MEIS2: variants seen among roughly 807,000 people sequenced by gnomAD.
The protein encoded by MEIS2 is Meis homeobox 2.
Under a neutral mutation model 58.6 loss-of-function variants are expected in MEIS2, and 9 were observed. The observed-to-expected ratio is 0.15, with a 90% confidence interval of 0.09 to 0.27. The LOEUF (loss-of-function observed/expected upper bound fraction) is 0.27, where lower values mean the gene tolerates loss of function less well. MEIS2 is among the 10% of genes least tolerant of loss of function. The probability of loss-of-function intolerance (pLI) is 1.00; values close to 1 mark genes in which losing one functional copy is unlikely to be tolerated. For synonymous variants in MEIS2, 221 were observed against 228.4 expected (o/e 0.97, Z 0.29); for missense variants, 427 against 635.0 (o/e 0.67, Z 3.52).
At chr15:37,059,629 T>G (rs1378285132) in intron 7 of MEIS2, among the ~76,000 whole-genome samples, 1 of 152,142 alleles carries the variant, frequency 6.6e-6, no homozygotes, top group Non-Finnish European at 1.5e-5. Flanking sequence ...CTTCTTTTTT[T>G]TTTTTAATTA....
At chr15:36,923,441 G>A (rs980491469) in intron 9 of MEIS2, among the ~76,000 whole-genome samples, 1 of 151,948 alleles carries the variant, frequency 6.6e-6, no homozygotes, top group Non-Finnish European at 1.5e-5. Context: ...CAACCAACTA[G>A]TCTATGGCCA....
chr15:37,040,545 AGGGCTTTTTTGCAGAGCTAAACCAAAG>A (rs2062380952), intron 7 of MEIS2, among the ~76,000 whole-genome samples: 2 of 152,204 alleles, frequency 1.3e-5, no homozygotes, highest in Admixed American at 1.3e-4. Context: ...GAGTACCCAC[AGGGCTTTTTTGCAGAGCTAAACCAAAG>A]GCCATTCCAT....
intron 8 of MEIS2, among the ~76,000 whole-genome samples, chr15:37,011,479 AGT>A (rs2061151920): frequency 6.6e-6 from 1 of 152,154 alleles, no homozygotes; most frequent in African/African-American, 2.4e-5. Context: ...GATTAATGAA[AGT>A]GTGTATTACT....
At chr15:36,925,183 A>C (rs1164183364) in intron 9 of MEIS2, among the ~76,000 whole-genome samples, 1 of 152,236 alleles carries the variant, frequency 6.6e-6, no homozygotes, top group Non-Finnish European at 1.5e-5. Context: ...AAAGAAAAGT[A>C]AAAAAGGAGA....
intron 8 of MEIS2, among the ~76,000 whole-genome samples, chr15:37,027,002 A>G (rs1464262465): frequency 3.3e-5 from 5 of 152,238 alleles, no homozygotes; most frequent in African/African-American, 1.2e-4. Flanking sequence ...TTATGTTTTA[A>G]GAGGATAATA....
At chr15:36,995,591 C>T (rs913854760) in intron 8 of MEIS2, among the ~76,000 whole-genome samples, 3 of 139,602 alleles carry the variant, frequency 2.1e-5, no homozygotes, top group East Asian at 2.2e-4. Context: ...AAAGCCATTA[C>T]GTTCTTTTCT....
At chr15:37,005,977 G>A (rs564723872) in intron 8 of MEIS2, among the ~76,000 whole-genome samples, 1 of 152,302 alleles carries the variant, frequency 6.6e-6, no homozygotes, top group African/African-American at 2.4e-5. Flanking sequence ...ATCTCTCAAT[G>A]AAATGGGGGG....
chr15:37,010,966 C>A (rs1459542973), intron 8 of MEIS2, among the ~76,000 whole-genome samples: 1 of 152,202 alleles, frequency 6.6e-6, no homozygotes, highest in African/African-American at 2.4e-5. Flanking sequence ...TTTTGCCCAT[C>A]TCTCTGTATT....
At chr15:37,004,695 C>T (rs2060853894) in intron 8 of MEIS2, among the ~76,000 whole-genome samples, 1 of 152,218 alleles carries the variant, frequency 6.6e-6, no homozygotes, top group South Asian at 2.1e-4. Flanking sequence ...AAGACCCAGA[C>T]TTGGTCAGAC....
rs115660101 is a variant in MEIS2, at chr15:36,942,454, C to T, written c.977+7870G>A. On this transcript the variant is annotated intron_variant, in intron 9 of 11. Coordinates refer to ENST00000561208, the MANE Select transcript of MEIS2 (RefSeq NM_170675.5). ...AATTCCTGGAGTAAGCACCAGGAAG[C>T]GCCACCTAACCGATGCTCACTCTCT... Among the ~76,000 whole-genome samples the T allele has an allele frequency of 6.3e-3, 957 of 152,158 alleles. 9 individuals carry two copies. Among genetic ancestry groups the T allele is most frequent in the African/African-American group, 0.022 (915 of 41,528 alleles).
chr15:37,031,488 C>T (rs927570130), intron 8 of MEIS2, among the ~76,000 whole-genome samples: 2 of 144,594 alleles, frequency 1.4e-5, no homozygotes, highest in Non-Finnish European at 3.0e-5. Context: ...AGTTTACGGT[C>T]ATATGGTCTT....
At chr15:37,087,483 C>T in intron 6 of MEIS2, among the ~76,000 whole-genome samples, 1 of 152,090 alleles carries the variant, frequency 6.6e-6, no homozygotes, top group Non-Finnish European at 1.5e-5. Context: ...ACAATATGGG[C>T]AGAGCTTGTA....
intron 9 of MEIS2, among the ~76,000 whole-genome samples, chr15:36,939,009 G>A (rs1027794057): frequency 1.3e-5 from 2 of 152,180 alleles, no homozygotes; most frequent in African/African-American, 2.4e-5. Context: ...ACTTGCAAAT[G>A]TCTTTCTCTC....
chr15:37,062,116 T>A (rs574490567), intron 7 of MEIS2, among the ~76,000 whole-genome samples: 5 of 152,212 alleles, frequency 3.3e-5, no homozygotes, highest in Non-Finnish European at 5.9e-5. Context: ...TCAAGAACTT[T>A]CCACAGATTC....
chr15:36,923,429 T>A (rs1430398959), intron 9 of MEIS2, among the ~76,000 whole-genome samples: 1 of 152,160 alleles, frequency 6.6e-6, no homozygotes, highest in Non-Finnish European at 1.5e-5. Flanking sequence ...AATGCAAGCT[T>A]CCAACCAACT....
intron 8 of MEIS2, among the ~76,000 whole-genome samples, chr15:36,967,486 C>G (rs2059394661): frequency 6.6e-6 from 1 of 152,096 alleles, no homozygotes. Context: ...ATCTTCATGT[C>G]TCTAAATTGA....
chr15:37,055,717 C>A (rs1378628776), intron 7 of MEIS2, among the ~76,000 whole-genome samples: 3 of 152,192 alleles, frequency 2.0e-5, no homozygotes, highest in African/African-American at 4.8e-5. Flanking sequence ...ACGGAAAGCT[C>A]GGCCCTGGTG....
At chr15:37,090,802 T>C (rs972088103) in intron 6 of MEIS2, among the ~76,000 whole-genome samples, 6 of 152,114 alleles carry the variant, frequency 3.9e-5, no homozygotes, top group African/African-American at 1.4e-4. Flanking sequence ...ATACAACAAA[T>C]TAAACTACAC....
rs60605081 is a variant in MEIS2 at position 37,031,421 on chromosome 15, A to ATGTG, written c.900+5389_900+5392dup. Among the ~76,000 whole-genome samples the ATGTG allele has an allele frequency of 4.0e-3, 583 of 146,860 alleles. 2 individuals carry two copies. Among genetic ancestry groups the ATGTG allele is most frequent in the Middle Eastern group, 0.01 (3 of 290 alleles). ...TCCCTCCCTCTCTCCTCCCTTGCAT[A>ATGTG]TGTGTGTGTGTGTGTGTGTGTGTGT... On this transcript the variant is annotated intron_variant, in intron 8 of 11. Coordinates refer to ENST00000561208, the MANE Select transcript of MEIS2 (RefSeq NM_170675.5).
Sources: gnomAD v4.1 joint callset for allele counts (sites outside exome capture counted in the v4.1 genomes callset) on GRCh38, gnomAD v4.1.1 for gene constraint, MANE v1.5 for transcripts, NCBI Gene and HGNC (gene_info 2026-07-23, HGNC 2026-07-21) for gene names.